AMZ1: variants seen among roughly 807,000 people sequenced by gnomAD.
AMZ1 encodes archaemetzincin-1.
In AMZ1, 39 loss-of-function variants were observed where a neutral mutation model predicts 29.9. The observed-to-expected ratio is 1.30, with a 90% CI of 1.01 to 1.70. The LOEUF (loss-of-function observed/expected upper bound fraction) is 1.70. Among genes scored for constraint, AMZ1 ranks in the 40% most tolerant of loss-of-function variants. The pLI is 0.00. For synonymous variants in AMZ1, 458 were observed against 304.0 expected, an observed-to-expected ratio of 1.51 and a Z score of -5.27; for missense variants, 1,041 against 680.6, an observed-to-expected ratio of 1.53 and a Z score of -5.89.
rs1047340708 is a variant in AMZ1, at chr7:2,713,621, A to T, written c.*743A>T. ...GAAGTGACGGGGTTTTGTCTCTATC[A>T]TCTCAGGCGTCAACCACATGCACAC... On this transcript the variant is annotated 3_prime_UTR_variant, in exon 7 of 7. Transcript: ENST00000683327. The T allele has an allele frequency of 6.6e-6, 1 of 152,410 alleles. No homozygotes were observed. Among genetic ancestry groups the T allele is most frequent in the Non-Finnish European group, 1.5e-5 (1 of 68,108 alleles). 9.4% of individuals were successfully genotyped at this position (152,410 alleles called of 1,614,324 possible). A position where few individuals can be genotyped will look rare whatever the true frequency, so the allele number is the denominator to read the frequency against.
chr7:2,759,864 C>T (rs932070081), upstream of AMZ1, among the ~76,000 whole-genome samples: 14 of 152,212 alleles, frequency 9.2e-5, no homozygotes, highest in African/African-American at 3.1e-4. Context: ...TGTCCGCCCC[C>T]GTCTCAGAGC....
chr7:2,736,572 G>T (rs551170268), intron 4 of AMZ1, among the ~76,000 whole-genome samples: 1 of 152,186 alleles, frequency 6.6e-6, no homozygotes, highest in East Asian at 1.9e-4. Flanking sequence ...GTTGATATGG[G>T]GCCTGTGCAC....
intron 1 of AMZ1, among the ~76,000 whole-genome samples, chr7:2,692,924 C>T (rs906633754): frequency 6.6e-6 from 1 of 152,168 alleles, no homozygotes; most frequent in East Asian, 1.9e-4. Context: ...AGCCCCCAGA[C>T]GTATCTGCTG....
At chr7:2,722,311 C>T (rs569372398), downstream of AMZ1, among the ~76,000 whole-genome samples, 10 of 151,386 alleles carry the variant, frequency 6.6e-5, no homozygotes, top group Non-Finnish European at 8.8e-5. Flanking sequence ...CTCGCTCTCT[C>T]GCCTGGGCTG....
Position 2,716,328 on chromosome 7 carries a change from T to TGGGGAGA in AMZ1, c.*3458_*3464dup, listed in dbSNP as rs1789120505. 6.6e-6 allele frequency: 1 copy of TGGGGAGA among 152,012 alleles called. No homozygotes were observed. 9.4% of individuals were successfully genotyped at this position (152,012 alleles called of 1,614,324 possible). A position where few individuals can be genotyped will look rare whatever the true frequency, so the allele number is the denominator to read the frequency against. The stretch of plus-strand genomic sequence containing the variant: ...AAAAAGCCCAAACTCATTGTCAGAG[T>TGGGGAGA]GGGGAGAGGGGAGAAGCAGCATCCT... On this transcript the variant is annotated 3_prime_UTR_variant, in exon 7 of 7. Coordinates refer to ENST00000683327, the MANE Select transcript of AMZ1 (RefSeq NM_001384743.1).
rs372899470 is a variant in AMZ1, at chr7:2,731,155, G to C, written n.550+21339G>C. 3.2e-6 allele frequency: 5 copies of C among 1,542,028 alleles called. No individual in the cohort carries two copies. The highest frequency in any genetic ancestry group is 4.4e-6 in the Non-Finnish European group (5 of 1,126,578). On this transcript the variant is annotated intron_variant and non_coding_transcript_variant, in intron 4 of 4. Transcript: ENST00000489665. The surrounding 1 kb of genome is among the most constrained non-coding windows in gnomAD (Gnocchi z 6.0). Reference sequence around the variant, plus strand: ...CCGACAGCCGTGGGGGCTGCTCAACGACGACAAACCCCGGGGCTTCCTCGC... The same window carrying C: ...CCGACAGCCGTGGGGGCTGCTCAACCACGACAAACCCCGGGGCTTCCTCGC...
At chr7:2,685,378 T>C (rs1399684795), upstream of AMZ1, among the ~76,000 whole-genome samples, 1 of 149,840 alleles carries the variant, frequency 6.7e-6, no homozygotes, top group Non-Finnish European at 1.5e-5. Flanking sequence ...GCCAACAGGG[T>C]GAAGCCCTGT....
At chr7:2,753,668 G>T (rs888828945) in intron 4 of AMZ1, among the ~76,000 whole-genome samples, 1 of 152,132 alleles carries the variant, frequency 6.6e-6, no homozygotes, top group Admixed American at 6.5e-5. Context: ...GGTGTGGTGT[G>T]GATGTAAGTT....
upstream of AMZ1, chr7:2,762,855 G>A: frequency 6.8e-7 from 1 of 1,479,766 alleles, no homozygotes; most frequent in Non-Finnish European, 9.0e-7. Context: ...CGAAGCAGGA[G>A]AGGGCCAGCT....
chr7:2,710,625 T>C (rs900126485), intron 6 of AMZ1, among the ~76,000 whole-genome samples: 3 of 152,228 alleles, frequency 2.0e-5, no homozygotes, highest in Non-Finnish European at 4.4e-5. Flanking sequence ...TGGGTGACAC[T>C]GAACTAGAGG....
upstream of AMZ1, among the ~76,000 whole-genome samples, chr7:2,764,166 G>A (rs375340674): frequency 1.3e-5 from 2 of 152,018 alleles, no homozygotes; most frequent in Non-Finnish European, 2.9e-5. Context: ...AAACTGAAGT[G>A]GGCTCAAGTG....
At chr7:2,688,326 G>C (rs904420630) in intron 1 of AMZ1, 30 bp downstream of exon 1, 2 of 151,666 alleles carry the variant, frequency 1.3e-5, no homozygotes, top group African/African-American at 4.8e-5. Flanking sequence ...AGACTCGGGG[G>C]CGCAGGGACC....
In AMZ1 at chr7:2,712,570, C is replaced by A; in HGVS notation, c.1189C>A (p.Pro397Thr). The A allele has an allele frequency of 6.2e-7, 1 of 1,611,408 alleles. No individual in the cohort carries two copies. Among genetic ancestry groups the A allele is most frequent in the Non-Finnish European group, 8.5e-7 (1 of 1,179,136 alleles). Residue 397 changes from proline to threonine, a missense_variant, in exon 7 of 7, where the codon CCT (proline) becomes ACT (threonine). Pro to Thr is a conservative substitution (Grantham distance 38). Transcript: ENST00000683327. Reference protein sequence around the residue: ...YLAASEAPLPPGGPAEAIKEH... With the variant: ...YLAASEAPLPTGGPAEAIKEH... ...GGCAGCCTCAGAGGCTCCGCTGCCA[C>A]CTGGGGGCCCTGCGGAGGCCATCAA...
chr7:2,727,371 C>T (rs1789666416), intron 4 of AMZ1, among the ~76,000 whole-genome samples: 1 of 152,276 alleles, frequency 6.6e-6, no homozygotes, highest in Admixed American at 6.5e-5. Flanking sequence ...TGAGCCACTG[C>T]GCCCGGCCAT....
intron 3 of AMZ1, among the ~76,000 whole-genome samples, chr7:2,707,032 T>G (rs970994743): frequency 6.6e-6 from 1 of 152,136 alleles, no homozygotes; most frequent in East Asian, 1.9e-4. Flanking sequence ...CCCAGCACTT[T>G]GGGAGACCGA....
chr7:2,757,229 G>A (rs548598241), intron 4 of AMZ1, among the ~76,000 whole-genome samples: 61 of 141,898 alleles, frequency 4.3e-4, no homozygotes, highest in African/African-American at 1.5e-3. Context: ...TCTGCCTCCC[G>A]GGTTCACGCC....
chr7:2,698,127 A>T (rs1787846371), intron 1 of AMZ1, among the ~76,000 whole-genome samples: 1 of 152,202 alleles, frequency 6.6e-6, no homozygotes, highest in South Asian at 2.1e-4. Flanking sequence ...CAGGCGTGGT[A>T]CGTATGCCCA....
rs1788897704 is a variant in AMZ1, at chr7:2,712,953, G to A, written c.*75G>A. On this transcript the variant is annotated 3_prime_UTR_variant, in exon 7 of 7. Coordinates refer to ENST00000683327, the MANE Select transcript of AMZ1 (RefSeq NM_001384743.1). ...CTGTCCAGTAGCTGAGGCCACTACT[G>A]ACCTGCCAGGGATAAAGAGGAAGGG... 7.1e-7 allele frequency: 1 copy of A among 1,408,944 alleles called. No individual in the cohort carries two copies. 87.3% of individuals were successfully genotyped at this position (1,408,944 alleles called of 1,614,324 possible). A position where few individuals can be genotyped will look rare whatever the true frequency, so the allele number is the denominator to read the frequency against.
chr7:2,731,138 C>T lies in AMZ1; in HGVS notation n.550+21322C>T, dbSNP rs113465805. On this transcript the variant is annotated intron_variant and non_coding_transcript_variant, in intron 4 of 4. Coordinates refer to the AMZ1 transcript ENST00000489665. This position sits in a 1 kb window ranked among gnomAD's most constrained non-coding sequence, Gnocchi z 6.0. ...CACACCCAAGAGTCTGACCGACAGC[C>T]GTGGGGGCTGCTCAACGACGACAAA... The T allele has an allele frequency of 1.3e-5, 18 of 1,358,334 alleles. No homozygotes were observed. The highest frequency in any genetic ancestry group is 8.5e-5 in the African/African-American group (6 of 70,192). The allele number at this position is 1,358,334 out of a possible 1,614,324, so 84.1% of individuals were successfully genotyped here.
Sources: allele counts gnomAD v4.1 joint callset (sites outside exome capture counted in the v4.1 genomes callset), GRCh38; gene constraint gnomAD v4.1.1; non-coding constraint Gnocchi (gnomAD v3.1); transcripts MANE v1.5; gene names NCBI Gene and HGNC (gene_info 2026-07-23, HGNC 2026-07-21).